Variants in KLHL1 observed in about 807,000 individuals in gnomAD.
KLHL1 encodes the protein kelch-like protein 1.
KLHL1 carries 47 observed loss-of-function variants against 77.7 expected under a neutral mutation model. The observed-to-expected ratio is 0.60, with a 90% confidence interval of 0.48 to 0.77. The LOEUF is 0.77. KLHL1 is among the 30% of genes least tolerant of loss of function. The pLI, the probability that KLHL1 is intolerant of heterozygous loss-of-function variation, is 0.00. For missense variants in KLHL1, 925 were observed against 910.8 expected, an observed-to-expected ratio of 1.02 and a Z score of -0.20; for synonymous variants, 360 against 325.2, an observed-to-expected ratio of 1.11 and a Z score of -1.15.
chr13:69,736,177 A>G (rs886777342), intron 8 of KLHL1, among the ~76,000 whole-genome samples: 1 of 151,734 alleles, frequency 6.6e-6, no homozygotes, highest in Non-Finnish European at 1.5e-5. Context: ...CAAGGAACTC[A>G]AACAAATTAG....
At chr13:70,106,704 T>C (rs1888065100) in intron 1 of KLHL1, among the ~76,000 whole-genome samples, 1 of 152,102 alleles carries the variant, frequency 6.6e-6, no homozygotes, top group Admixed American at 6.6e-5. Flanking sequence ...AGAGGTAAAA[T>C]AATGTTGCTG....
intron 1 of KLHL1, among the ~76,000 whole-genome samples, chr13:70,086,574 A>C (rs1355436783): frequency 2.9e-5 from 1 of 34,062 alleles, no homozygotes; most frequent in East Asian, 1.3e-3. Flanking sequence ...CTCTGTCTCA[A>C]AAAAAAAAAA....
chr13:70,013,250 A>G (rs993606641), intron 1 of KLHL1, among the ~76,000 whole-genome samples: 1 of 152,172 alleles, frequency 6.6e-6, no homozygotes, highest in Non-Finnish European at 1.5e-5. Context: ...TCTATACATT[A>G]AAAAAATACT....
chr13:69,730,730 C>T (rs1262931742), intron 8 of KLHL1, among the ~76,000 whole-genome samples: 1 of 152,004 alleles, frequency 6.6e-6, no homozygotes, highest in Non-Finnish European at 1.5e-5. Context: ...CAGGAGCATG[C>T]CACCATGCCC....
At position 69,961,384 on chromosome 13, in the gene KLHL1, T is replaced by A; in HGVS notation, c.741A>T (p.Glu247Asp). 6.2e-7 allele frequency: 1 copy of A among 1,613,144 alleles called. No homozygotes were observed. Among genetic ancestry groups the A allele is most frequent in the Non-Finnish European group, 8.5e-7 (1 of 1,179,428 alleles). ...CCATTTTGATCTCCTCTTGCTTGGC[T>A]TCACAAACATCACTTGTAAACATGG... Reference protein sequence around the residue: ...FAAMFTSDVCEAKQEEIKMEG... With the variant: ...FAAMFTSDVCDAKQEEIKMEG... Residue 247 changes from glutamate (E) to aspartate (D), a missense_variant, in exon 3 of 11, where the codon GAA becomes GAT. By Grantham distance (45) the Glu-to-Asp change is conservative. Coordinates refer to ENST00000377844, the MANE Select transcript of KLHL1 (RefSeq NM_020866.3).
At chr13:69,930,963 A>G (rs1882986272) in intron 4 of KLHL1, among the ~76,000 whole-genome samples, 1 of 151,552 alleles carries the variant, frequency 6.6e-6, no homozygotes, top group Non-Finnish European at 1.5e-5. Flanking sequence ...CAACTGCAAT[A>G]TATAATATTT....
chr13:69,766,447 GTTTAT>G (rs1222798103), intron 7 of KLHL1, among the ~76,000 whole-genome samples: 3 of 150,356 alleles, frequency 2.0e-5, no homozygotes, highest in Non-Finnish European at 3.0e-5. Flanking sequence ...CAATTTTTAA[GTTTAT>G]TTTATGTCAC....
At chr13:69,848,039 G>C (rs1879538886) in intron 5 of KLHL1, among the ~76,000 whole-genome samples, 1 of 151,518 alleles carries the variant, frequency 6.6e-6, no homozygotes, top group Non-Finnish European at 1.5e-5. Flanking sequence ...GCCTATTTAA[G>C]GTGCTGGTGA....
At chr13:70,086,955 G>T (rs1887558186) in intron 1 of KLHL1, among the ~76,000 whole-genome samples, 1 of 152,158 alleles carries the variant, frequency 6.6e-6, no homozygotes, top group African/African-American at 2.4e-5. Context: ...AGCAATATGG[G>T]TCAGGGGGGA....
At chr13:69,825,827 A>G (rs974632191) in intron 6 of KLHL1, among the ~76,000 whole-genome samples, 1 of 152,182 alleles carries the variant, frequency 6.6e-6, no homozygotes, top group African/African-American at 2.4e-5. Context: ...TGATAACTGA[A>G]GTCTGAAGCC....
At chr13:69,825,785 T>A (rs557711473) in intron 6 of KLHL1, among the ~76,000 whole-genome samples, 73 of 152,294 alleles carry the variant, frequency 4.8e-4, no homozygotes, top group African/African-American at 1.7e-3. Context: ...CAGCCCTTGA[T>A]AACTGATGAG....
intron 7 of KLHL1, among the ~76,000 whole-genome samples, chr13:69,785,298 G>A (rs1205786260): frequency 2.6e-5 from 4 of 152,128 alleles, no homozygotes; most frequent in South Asian, 4.2e-4. Flanking sequence ...AAATTATAAC[G>A]AACTGTCTCT....
At chr13:70,061,675 G>A (rs1417561049) in intron 1 of KLHL1, among the ~76,000 whole-genome samples, 1 of 152,106 alleles carries the variant, frequency 6.6e-6, no homozygotes, top group Non-Finnish European at 1.5e-5. Flanking sequence ...GTAAAAATTA[G>A]CAGCAAATAT....
At chr13:69,923,322 T>C (rs922765019) in intron 4 of KLHL1, among the ~76,000 whole-genome samples, 2 of 152,176 alleles carry the variant, frequency 1.3e-5, no homozygotes, top group Non-Finnish European at 2.9e-5. Flanking sequence ...AGTAATTTTG[T>C]AGCTTGGTGG....
rs543818355 is a variant in KLHL1 at position 69,902,649 on chromosome 13, C to G, written c.1015-20154G>C. 2.2e-4 allele frequency among the ~76,000 whole-genome samples: 34 copies of G among 151,512 alleles called. 1 individual carries two copies. The South Asian group carries it at 6.9e-3, about 31-fold the overall frequency. On this transcript the variant is annotated intron_variant, in intron 4 of 10. Coordinates refer to ENST00000377844, the MANE Select transcript of KLHL1 (RefSeq NM_020866.3). Reference sequence around the variant, plus strand: ...GAAACCATCATTCTCAGCAAACTATCGCAAGGACAAAAACCAAACACCACA... The same window carrying G: ...GAAACCATCATTCTCAGCAAACTATGGCAAGGACAAAAACCAAACACCACA...
intron 7 of KLHL1, among the ~76,000 whole-genome samples, chr13:69,794,068 A>G (rs1283631306): frequency 6.6e-6 from 1 of 152,162 alleles, no homozygotes; most frequent in Non-Finnish European, 1.5e-5. Context: ...AGAAGCAAAC[A>G]GACTTGCTGG....
chr13:70,074,250 C>T (rs1236507791), intron 1 of KLHL1, among the ~76,000 whole-genome samples: 1 of 152,082 alleles, frequency 6.6e-6, no homozygotes, highest in African/African-American at 2.4e-5. Flanking sequence ...CTGAGTAGGA[C>T]TGTTTCATGT....
At chr13:69,818,753 C>T (rs1437503507) in intron 6 of KLHL1, among the ~76,000 whole-genome samples, 1 of 152,048 alleles carries the variant, frequency 6.6e-6, no homozygotes, top group East Asian at 1.9e-4. Flanking sequence ...AAACTGATGA[C>T]CTTGAACAAG....
intron 3 of KLHL1, among the ~76,000 whole-genome samples, chr13:69,951,137 A>G (rs1245003721): frequency 6.6e-6 from 1 of 151,630 alleles, no homozygotes; most frequent in Non-Finnish European, 1.5e-5. Context: ...TGTCATTTCT[A>G]TGAATACAAA....
Sources: allele counts gnomAD v4.1 joint callset (sites outside exome capture counted in the v4.1 genomes callset), GRCh38; gene constraint gnomAD v4.1.1; transcripts MANE v1.5; gene names NCBI Gene and HGNC (gene_info 2026-07-23, HGNC 2026-07-21).